The following ANGEL2 variants were observed in gnomAD, a reference collection of about 807,000 sequenced individuals.
ANGEL2 encodes the protein RNA 2',3'-cyclic phosphatase ANGEL2.
A neutral mutation model predicts 66.0 loss-of-function variants in ANGEL2; 41 were observed. The ratio of observed to expected loss-of-function variants is 0.62; its 90% CI spans 0.48 to 0.81. ANGEL2 has a LOEUF of 0.81. Among genes scored for constraint, ANGEL2 ranks in the 30% least tolerant of loss-of-function variants. The probability of loss-of-function intolerance (pLI) is 0.00; values close to 1 mark genes in which losing one functional copy is unlikely to be tolerated. For synonymous variants in ANGEL2, 208 were observed against 226.5 expected (o/e 0.92, Z 0.73); for missense variants, 561 against 641.6 (o/e 0.87, Z 1.36).
Position 212,997,264 on chromosome 1 carries a change from G to A in ANGEL2, c.1374C>T (p.Tyr458=). 1 of 1,613,560 alleles carries A rather than the reference G, an allele frequency of 6.2e-7. No individual in the cohort carries two copies. Among genetic ancestry groups the A allele is most frequent in the Non-Finnish European group, 8.5e-7 (1 of 1,179,520 alleles). The change falls in exon 8 of 9, where the codon TAC becomes TAT. Residue 458 remains tyrosine (Y), a synonymous_variant. Transcript: ENST00000366962. The part of the protein sequence containing the change: ...HFSLSSVYSH[Y]FPDTGIPEVT... Reference sequence around the variant, plus strand: ...CTTCTGGAATTCCAGTGTCAGGAAAGTAATGTGAATAAACAGATGACAAAC... The same window carrying A: ...CTTCTGGAATTCCAGTGTCAGGAAAATAATGTGAATAAACAGATGACAAAC...
At chr1:212,996,194 T>C (rs902608167) in intron 8 of ANGEL2, among the ~76,000 whole-genome samples, 36 of 152,064 alleles carry the variant, frequency 2.4e-4, no homozygotes, top group Non-Finnish European at 3.8e-4. Flanking sequence ...GTAGTCCCAG[T>C]GGCTCGGGAG....
rs1224012377 is a variant in ANGEL2 at position 212,996,636 on chromosome 1, A to T, written c.1483+519T>A. The stretch of plus-strand genomic sequence containing the variant: ...AGACTCTGTATCCAAAAAAAAAAAA[A>T]AAAAATATATATATATATATATATA... On this transcript the variant is annotated intron_variant, in intron 8 of 8. Transcript: ENST00000366962. 3.7e-3 allele frequency among the ~76,000 whole-genome samples: 154 copies of T among 41,894 alleles called. 1 individual carries two copies. Among genetic ancestry groups the T allele is most frequent in the Middle Eastern group, 0.014 (1 of 72 alleles). The allele number at this position is 41,894 out of a possible 152,430, so 27.5% of individuals were successfully genotyped here.
chr1:213,002,917 CAAAA>C (rs3056224), intron 5 of ANGEL2, among the ~76,000 whole-genome samples: 1 of 110,422 alleles, frequency 9.1e-6, no homozygotes, highest in Admixed American at 8.7e-5. Context: ...GATCCTGTCT[CAAAA>C]AAAAAAAAAA....
chr1:213,009,450 T>C (rs2076437392), intron 2 of ANGEL2, among the ~76,000 whole-genome samples: 1 of 152,220 alleles, frequency 6.6e-6, no homozygotes, highest in Non-Finnish European at 1.5e-5. Context: ...AATGGACTTC[T>C]AAGTATGATT....
chr1:213,015,425 C>T, intron 1 of ANGEL2, 188 bp downstream of exon 1: 1 of 1,423,474 alleles, frequency 7.0e-7, no homozygotes, highest in Admixed American at 3.0e-5. Context: ...CCGCCAGCTG[C>T]GCGGCGGGTT....
At chr1:213,014,558 G>A (rs1449985241) in intron 1 of ANGEL2, among the ~76,000 whole-genome samples, 1 of 152,178 alleles carries the variant, frequency 6.6e-6, no homozygotes, top group African/African-American at 2.4e-5. Flanking sequence ...CATTTTCTAT[G>A]CTAATAAGCC....
chr1:212,994,263 C>A lies in ANGEL2; in HGVS notation c.*778G>T, dbSNP rs1192752351. 6.6e-6 allele frequency: 1 copy of A among 151,912 alleles called. No individual in the cohort carries two copies. The highest frequency in any genetic ancestry group is 1.9e-4 in the East Asian group (1 of 5,192). The allele number at this position is 151,912 out of a possible 1,614,324, so 9.4% of individuals were successfully genotyped here. A position where few individuals can be genotyped will look rare whatever the true frequency, so the allele number is the denominator to read the frequency against. On this transcript the variant is annotated 3_prime_UTR_variant, in exon 9 of 9. Coordinates refer to ENST00000366962, the MANE Select transcript of ANGEL2 (RefSeq NM_144567.5). ...GCCATTGCACCCCCAGCCTGGGCAACAAGAGTGAAACTCCATCTCAAAAAA... is the reference window on the plus strand; with the variant it reads ...GCCATTGCACCCCCAGCCTGGGCAAAAAGAGTGAAACTCCATCTCAAAAAA...
chr1:213,001,031 T>C (rs2076164626), intron 5 of ANGEL2, 119 bp from the exon 6 acceptor site: 3 of 907,394 alleles, frequency 3.3e-6, no homozygotes, highest in Non-Finnish European at 3.2e-6. Flanking sequence ...CCTTTATTCA[T>C]TGTATTAAGT....
rs567671616 is a variant in ANGEL2 at position 213,004,457 on chromosome 1, C to T, written c.1134+576G>A. Among the ~76,000 whole-genome samples, 25 of 151,406 alleles carry T rather than the reference C, an allele frequency of 1.7e-4. No individual in the cohort carries two copies. The South Asian group carries it at 3.6e-3, about 22-fold the overall frequency. ...TATCCTGCCACCTTGTGTTACTTATCGGTGAAGTATCCATGTCTGTCAATA... is the reference window on the plus strand; with the variant it reads ...TATCCTGCCACCTTGTGTTACTTATTGGTGAAGTATCCATGTCTGTCAATA... On this transcript the variant is annotated intron_variant, in intron 5 of 8. Coordinates refer to ENST00000366962, the MANE Select transcript of ANGEL2 (RefSeq NM_144567.5).
chr1:212,998,827 CT>C (rs1019140201), intron 7 of ANGEL2, among the ~76,000 whole-genome samples: 6 of 146,228 alleles, frequency 4.1e-5, no homozygotes, highest in Admixed American at 6.8e-5. Context: ...CGCCCGGCCT[CT>C]TTTTTTCTTT....
intron 7 of ANGEL2, among the ~76,000 whole-genome samples, chr1:212,999,005 T>C (rs2076106051): frequency 6.6e-6 from 1 of 152,002 alleles, no homozygotes; most frequent in African/African-American, 2.4e-5. Flanking sequence ...TCAGCCTACC[T>C]GGGATTACAC....
chr1:212,994,882 TAA>T lies in ANGEL2; in HGVS notation c.*157_*158del. On this transcript the variant is annotated 3_prime_UTR_variant, in exon 9 of 9. Transcript: ENST00000366962. ...TTTTCATTATTAAAAAAAATTGTTA[TAA>T]AGTTATTTCTTCTGATATGGAGTTT... 1 of 545,218 alleles carries T rather than the reference TAA, an allele frequency of 1.8e-6. No homozygotes were observed. The highest frequency in any genetic ancestry group is 9.2e-5 in the South Asian group (1 of 10,892). The allele number at this position is 545,218 out of a possible 1,614,324, so 33.8% of individuals were successfully genotyped here.
At chr1:213,001,189 C>T (rs757309346) in intron 5 of ANGEL2, 1 of 344,604 alleles carries the variant, frequency 2.9e-6, no homozygotes, top group Non-Finnish European at 5.3e-6. Context: ...TAACACTATT[C>T]ATCATTTTTT....
chr1:213,015,152 T>C lies in ANGEL2; in HGVS notation c.59+461A>G, dbSNP rs910807719. 3.0e-6 allele frequency: 3 copies of C among 999,356 alleles called. No individual in the cohort carries two copies. The African/African-American group carries it at 5.2e-5, about 17-fold the overall frequency. 61.9% of individuals were successfully genotyped at this position (999,356 alleles called of 1,614,324 possible). A position where few individuals can be genotyped will look rare whatever the true frequency, so the allele number is the denominator to read the frequency against. Reference sequence around the variant, plus strand: ...CTAAAGTTTGAAAGACACTAACACATCAACAAAAATCAAGCCCCTCCTGGG... The same window carrying C: ...CTAAAGTTTGAAAGACACTAACACACCAACAAAAATCAAGCCCCTCCTGGG... On this transcript the variant is annotated intron_variant, in intron 1 of 8. Transcript: ENST00000366962.
chr1:213,013,511 C>CT, intron 1 of ANGEL2, 93 bp from the exon 2 acceptor site: 1 of 1,185,816 alleles, frequency 8.4e-7, no homozygotes, highest in East Asian at 2.4e-5. Flanking sequence ...AAGGTAATGT[C>CT]TAATATTTAA....
chr1:213,011,470 G>C, intron 2 of ANGEL2: 1 of 1,098,840 alleles, frequency 9.1e-7, no homozygotes, highest in Non-Finnish European at 1.1e-6. Context: ...TAGGAAGAAT[G>C]GACATATAGA....
rs949376944 is a variant in ANGEL2 at position 212,994,820 on chromosome 1, A to G, written c.*221T>C. On this transcript the variant is annotated 3_prime_UTR_variant, in exon 9 of 9. Transcript: ENST00000366962. Reference sequence around the variant, plus strand: ...ATAAAACCTTTACATCTCTTTTACAATAAAGAGAATTTAGAGCTCACTTGT... The same window carrying G: ...ATAAAACCTTTACATCTCTTTTACAGTAAAGAGAATTTAGAGCTCACTTGT... 9 of 333,832 alleles carry G rather than the reference A, an allele frequency of 2.7e-5. No homozygotes were observed. Among genetic ancestry groups the G allele is most frequent in the Non-Finnish European group, 4.8e-5 (9 of 188,632 alleles). The allele number at this position is 333,832 out of a possible 1,614,324, so 20.7% of individuals were successfully genotyped here. A position where few individuals can be genotyped will look rare whatever the true frequency, so the allele number is the denominator to read the frequency against.
In ANGEL2 at chr1:213,015,644, C is replaced by G. The variant is rs1328033292; in HGVS notation, c.28G>C (p.Gly10Arg). MEAWRCVRK[G>R]YGHCVVGRGR... ...CTTCCCACCACACAGTGGCCGTAGC[C>G]CTTCCTCACACAGCGCCAGGCTTCC... Residue 10 changes from glycine (G) to arginine (R), a missense_variant, in exon 1 of 9, where the codon GGC becomes CGC. Physicochemically the swap from Gly to Arg is moderately radical, Grantham distance 125 (BLOSUM62 -2). Coordinates refer to ENST00000366962, the MANE Select transcript of ANGEL2 (RefSeq NM_144567.5). 6.2e-7 allele frequency: 1 copy of G among 1,614,062 alleles called. No individual in the cohort carries two copies. Among genetic ancestry groups the G allele is most frequent in the Admixed American group, 1.7e-5 (1 of 60,004 alleles).
chr1:213,002,634 T>C (rs1025538815), intron 5 of ANGEL2, among the ~76,000 whole-genome samples: 1 of 152,188 alleles, frequency 6.6e-6, no homozygotes, highest in Non-Finnish European at 1.5e-5. Context: ...TTAAAAATTG[T>C]TGGCCAGGTG....
Sources: allele counts gnomAD v4.1 joint callset (sites outside exome capture counted in the v4.1 genomes callset), GRCh38; gene constraint gnomAD v4.1.1; transcripts MANE v1.5; gene names NCBI Gene and HGNC (gene_info 2026-07-23, HGNC 2026-07-21).